CACNA1C: variants seen among roughly 807,000 people sequenced by gnomAD.
The protein encoded by CACNA1C is calcium voltage-gated channel subunit alpha1 C.
A neutral mutation model predicts 229.0 loss-of-function variants in CACNA1C; 30 were observed. The observed-to-expected ratio is 0.13, with a 90% CI of 0.10 to 0.18. The LOEUF (loss-of-function observed/expected upper bound fraction) is 0.18, where lower values mean the gene tolerates loss of function less well. Ranked by LOEUF, CACNA1C falls within the 10% of genes least tolerant of loss-of-function variation. The pLI is 1.00. For missense variants in CACNA1C, 1,658 were observed against 2,845.0 expected (o/e 0.58, Z 9.49); for synonymous variants, 1,114 against 1,132.5 (o/e 0.98, Z 0.33).
intron 3 of CACNA1C, among the ~76,000 whole-genome samples, chr12:2,430,472 G>A (rs2099071389): frequency 6.6e-6 from 1 of 152,032 alleles, no homozygotes; most frequent in Admixed American, 6.6e-5. Context: ...CTTTTAACTA[G>A]TTCCCAGGAC....
At chr12:2,243,817 C>CA (rs1158863686) in intron 3 of CACNA1C, among the ~76,000 whole-genome samples, 1 of 152,158 alleles carries the variant, frequency 6.6e-6, no homozygotes, top group Admixed American at 6.6e-5. Flanking sequence ...TTCCTCGCTG[C>CA]AATTGTCAGA....
At chr12:2,056,424 G>C (rs1249398114) in intron 1 of CACNA1C, among the ~76,000 whole-genome samples, 1 of 152,148 alleles carries the variant, frequency 6.6e-6, no homozygotes, top group Non-Finnish European at 1.5e-5. Flanking sequence ...TCTATTGCAG[G>C]CTCCAGCTAG....
intron 42 of CACNA1C, chr12:2,682,079 AC>A (rs1355517389): frequency 2.3e-6 from 3 of 1,326,876 alleles, no homozygotes; most frequent in East Asian, 2.3e-5. Flanking sequence ...CTGTGCCTTT[AC>A]CCCAGGGTGC....
chr12:2,331,430 G>C (rs1014085346), intron 3 of CACNA1C, among the ~76,000 whole-genome samples: 1 of 152,232 alleles, frequency 6.6e-6, no homozygotes, highest in Non-Finnish European at 1.5e-5. Context: ...GCACAAGAGA[G>C]CTTCTTGCTA....
At chr12:2,664,711 T>G in intron 34 of CACNA1C, 114 bp from the exon 35 acceptor site, 2 of 779,196 alleles carry the variant, frequency 2.6e-6, no homozygotes, top group Non-Finnish European at 3.8e-6. Flanking sequence ...ATCAAGTTCA[T>G]TTTAGTAACT....
chr12:2,541,509 T>C (rs2099870247), intron 9 of CACNA1C, among the ~76,000 whole-genome samples: 1 of 152,202 alleles, frequency 6.6e-6, no homozygotes, highest in African/African-American at 2.4e-5. Context: ...TGACCTGGAC[T>C]CAGCCATTGG....
intron 3 of CACNA1C, among the ~76,000 whole-genome samples, chr12:2,364,577 T>C (rs961293975): frequency 2.6e-5 from 4 of 152,216 alleles, no homozygotes; most frequent in Admixed American, 1.3e-4. Flanking sequence ...GCTAGAAATT[T>C]CACTCGGCTA....
At chr12:2,662,059 C>T (rs546694777) in intron 34 of CACNA1C, among the ~76,000 whole-genome samples, 7 of 151,818 alleles carry the variant, frequency 4.6e-5, no homozygotes, top group African/African-American at 9.7e-5. Context: ...TGGCTAACAC[C>T]GTGAAACCCC....
At chr12:2,568,607 CA>C (rs2052582039) in intron 13 of CACNA1C, among the ~76,000 whole-genome samples, 1 of 152,328 alleles carries the variant, frequency 6.6e-6, no homozygotes, top group African/African-American at 2.4e-5. Flanking sequence ...GAAATCCTGA[CA>C]CATGCTACAA....
chr12:2,695,289 G>C lies in CACNA1C; in HGVS notation c.*4090G>C, dbSNP rs7316246. Reference sequence around the variant, plus strand: ...CCACAGTGACCAGTGTGGTGGAGCCGCTGACATCTCAAGGATCTATTTGGG... The same window carrying C: ...CCACAGTGACCAGTGTGGTGGAGCCCCTGACATCTCAAGGATCTATTTGGG... On this transcript the variant is annotated 3_prime_UTR_variant, in exon 47 of 47. Coordinates refer to ENST00000399655, the MANE Select transcript of CACNA1C (RefSeq NM_000719.7). 1.3e-5 allele frequency: 2 copies of C among 152,314 alleles called. No homozygotes were observed. Among genetic ancestry groups the C allele is most frequent in the Admixed American group, 6.5e-5 (1 of 15,298 alleles). The allele number at this position is 152,314 out of a possible 1,614,324, so 9.4% of individuals were successfully genotyped here.
chr12:2,470,843 C>CT (rs558032149), intron 5 of CACNA1C, among the ~76,000 whole-genome samples: 4,108 of 147,206 alleles, frequency 0.028, 70 homozygotes, highest in Non-Finnish European at 0.038. Context: ...TATACTTGAT[C>CT]TTTTTTTTTT....
At chr12:2,628,938 T>C (rs544087323) in intron 29 of CACNA1C, among the ~76,000 whole-genome samples, 16 of 152,238 alleles carry the variant, frequency 1.1e-4, no homozygotes, top group African/African-American at 3.9e-4. Flanking sequence ...CATTCACACA[T>C]CCAGAACACC....
At chr12:1,986,555 C>T (rs1305895717) in intron 1 of CACNA1C, among the ~76,000 whole-genome samples, 13 of 152,134 alleles carry the variant, frequency 8.5e-5, no homozygotes, top group Admixed American at 8.5e-4. Context: ...ACCACAGTGG[C>T]AGTTCAGCTT....
chr12:2,178,106 G>C (rs568027558), intron 3 of CACNA1C, among the ~76,000 whole-genome samples: 1 of 152,236 alleles, frequency 6.6e-6, no homozygotes, highest in Non-Finnish European at 1.5e-5. Context: ...GAAGGAAGCA[G>C]ATTCTCCAAG....
chr12:2,599,649 A>T (rs1356874418), intron 21 of CACNA1C, among the ~76,000 whole-genome samples: 1 of 151,966 alleles, frequency 6.6e-6, no homozygotes, highest in Non-Finnish European at 1.5e-5. Flanking sequence ...GGATGGAAAC[A>T]CCCCAGCAAG....
At chr12:2,150,120 A>G (rs1176698606) in intron 3 of CACNA1C, among the ~76,000 whole-genome samples, 8 of 152,180 alleles carry the variant, frequency 5.3e-5, no homozygotes, top group African/African-American at 9.6e-5. Flanking sequence ...CTGGCTGGCA[A>G]CCTTTTGTAT....
intron 3 of CACNA1C, among the ~76,000 whole-genome samples, chr12:2,211,864 G>A (rs1280351712): frequency 4.0e-5 from 6 of 151,794 alleles, no homozygotes; most frequent in South Asian, 4.2e-4. Context: ...GACTCCAGGC[G>A]CCCACCACCA....
intron 3 of CACNA1C, among the ~76,000 whole-genome samples, chr12:2,280,685 C>T (rs1326300727): frequency 2.5e-5 from 1 of 40,278 alleles, no homozygotes; most frequent in Non-Finnish European, 4.5e-5. Context: ...CCTTGCTGTG[C>T]TTCGGTTTAA....
chr12:2,531,280 A>C (rs144791292), intron 9 of CACNA1C, among the ~76,000 whole-genome samples: 1,807 of 152,296 alleles, frequency 0.012, 54 homozygotes, highest in African/African-American at 0.042. Flanking sequence ...AGAGGCAAGC[A>C]CATGGTAACC....
Sources: gnomAD v4.1 joint callset for allele counts (sites outside exome capture counted in the v4.1 genomes callset) on GRCh38, gnomAD v4.1.1 for gene constraint, MANE v1.5 for transcripts, NCBI Gene and HGNC (gene_info 2026-07-23, HGNC 2026-07-21) for gene names.